Variants in SH3GL2 observed in about 807,000 individuals in gnomAD.
SH3GL2 encodes the protein SH3 domain containing GRB2 like 2, endophilin A1.
SH3GL2 carries 24 observed loss-of-function variants against 46.0 expected under a neutral mutation model. The ratio of observed to expected loss-of-function variants is 0.52; its 90% confidence interval spans 0.38 to 0.73. The LOEUF is 0.73. SH3GL2 is among the 30% of genes least tolerant of loss of function. The probability of loss-of-function intolerance (pLI) is 0.00; values close to 1 mark genes in which losing one functional copy is unlikely to be tolerated. For synonymous variants in SH3GL2, 196 were observed against 147.1 expected (o/e 1.33, Z -2.40); for missense variants, 413 against 424.2 (o/e 0.97, Z 0.23).
intron 1 of SH3GL2, among the ~76,000 whole-genome samples, chr9:17,596,003 T>G (rs1295280610): frequency 6.6e-6 from 1 of 152,336 alleles, no homozygotes; most frequent in East Asian, 1.9e-4. Flanking sequence ...TACAAAATTT[T>G]CTTTCCACTT....
intron 1 of SH3GL2, among the ~76,000 whole-genome samples, chr9:17,611,129 C>T (rs1018266246): frequency 5.3e-5 from 8 of 152,024 alleles, no homozygotes; most frequent in African/African-American, 9.7e-5. Flanking sequence ...ATAGAGTAGA[C>T]GTCATACAAT....
intron 1 of SH3GL2, among the ~76,000 whole-genome samples, chr9:17,655,597 C>T (rs1473292204): frequency 6.6e-6 from 1 of 152,008 alleles, no homozygotes; most frequent in Non-Finnish European, 1.5e-5. Context: ...TTTTAAAACC[C>T]CAAGCATATT....
At chr9:17,603,852 C>T (rs933605864) in intron 1 of SH3GL2, among the ~76,000 whole-genome samples, 7 of 151,888 alleles carry the variant, frequency 4.6e-5, no homozygotes, top group East Asian at 1.9e-4. Context: ...GCAACAAGAG[C>T]GAAACTCCGT....
intron 4 of SH3GL2, 122 bp from the exon 5 acceptor site, chr9:17,787,258 C>G: frequency 1.3e-6 from 1 of 754,490 alleles, no homozygotes; most frequent in Middle Eastern, 2.5e-4. Flanking sequence ...CCTATTCTCT[C>G]TTGTCTGTTG....
chr9:17,757,053 C>G (rs9407836), intron 2 of SH3GL2, among the ~76,000 whole-genome samples: 84 of 152,222 alleles, frequency 5.5e-4, no homozygotes, highest in Admixed American at 9.2e-4. Flanking sequence ...TTGTGGTTTT[C>G]ATTTGCATTT....
At chr9:17,679,241 A>C (rs1051660145) in intron 1 of SH3GL2, among the ~76,000 whole-genome samples, 1 of 152,072 alleles carries the variant, frequency 6.6e-6, no homozygotes, top group African/African-American at 2.4e-5. Flanking sequence ...TATTTTCATG[A>C]TATTGATTCT....
intron 1 of SH3GL2, among the ~76,000 whole-genome samples, 195 bp downstream of exon 1, chr9:17,579,482 C>G (rs958034495): frequency 6.6e-6 from 1 of 151,984 alleles, no homozygotes; most frequent in Non-Finnish European, 1.5e-5. Context: ...GTCCCCCGCC[C>G]CCGGCTTGGT....
At chr9:17,627,085 G>C (rs1819298810) in intron 1 of SH3GL2, among the ~76,000 whole-genome samples, 1 of 152,262 alleles carries the variant, frequency 6.6e-6, no homozygotes, top group Non-Finnish European at 1.5e-5. Context: ...TGAATAACAT[G>C]TTTAACTTAC....
chr9:17,610,870 T>G (rs940384949), intron 1 of SH3GL2, among the ~76,000 whole-genome samples: 2 of 152,174 alleles, frequency 1.3e-5, no homozygotes, highest in Non-Finnish European at 2.9e-5. Context: ...TGGTGAATAC[T>G]TTATATTTAG....
chr9:17,728,880 G>C (rs1310079555), intron 1 of SH3GL2, among the ~76,000 whole-genome samples: 1 of 152,108 alleles, frequency 6.6e-6, no homozygotes, highest in Non-Finnish European at 1.5e-5. Context: ...TATCATTGAT[G>C]GGCATTTGGG....
chr9:17,678,498 T>G (rs1393744426), intron 1 of SH3GL2, among the ~76,000 whole-genome samples: 4 of 152,180 alleles, frequency 2.6e-5, no homozygotes, highest in Non-Finnish European at 5.9e-5. Context: ...TTCTTGTAAA[T>G]TTGCTTGAGT....
intron 1 of SH3GL2, among the ~76,000 whole-genome samples, chr9:17,654,543 G>A (rs898311528): frequency 3.3e-5 from 5 of 152,178 alleles, no homozygotes; most frequent in Non-Finnish European, 7.3e-5. Flanking sequence ...AGACTAGTCT[G>A]TGAAAGCGTA....
At chr9:17,743,600 A>ACACACCCC (rs1554645782) in intron 1 of SH3GL2, among the ~76,000 whole-genome samples, 8 of 146,278 alleles carry the variant, frequency 5.5e-5, no homozygotes, top group African/African-American at 2.0e-4. Flanking sequence ...ACACACACAC[A>ACACACCCC]CCCCAAATAG....
At chr9:17,770,341 A>G (rs1823437896) in intron 3 of SH3GL2, among the ~76,000 whole-genome samples, 1 of 152,198 alleles carries the variant, frequency 6.6e-6, no homozygotes, top group Non-Finnish European at 1.5e-5. Context: ...AACAGCCAGA[A>G]TCTTTATTCA....
intron 1 of SH3GL2, among the ~76,000 whole-genome samples, chr9:17,586,678 G>A (rs1398895102): frequency 6.6e-6 from 1 of 152,076 alleles, no homozygotes; most frequent in East Asian, 1.9e-4. Flanking sequence ...GAGCAAAGTG[G>A]GGTAAAAGCC....
intron 1 of SH3GL2, among the ~76,000 whole-genome samples, chr9:17,733,391 G>C (rs1588283918): frequency 6.6e-6 from 1 of 151,744 alleles, no homozygotes; most frequent in South Asian, 2.1e-4. Flanking sequence ...TTGTCATCTA[G>C]CATTAGGTAT....
At chr9:17,710,246 G>A (rs914879905) in intron 1 of SH3GL2, among the ~76,000 whole-genome samples, 2 of 151,936 alleles carry the variant, frequency 1.3e-5, no homozygotes, top group Admixed American at 6.6e-5. Context: ...TGTGAAGAAG[G>A]ATGTGTTTGC....
At chr9:17,783,791 T>C (rs1445815420) in intron 3 of SH3GL2, among the ~76,000 whole-genome samples, 2 of 152,120 alleles carry the variant, frequency 1.3e-5, no homozygotes, top group Non-Finnish European at 2.9e-5. Context: ...AGTAGATTCA[T>C]GGGTTTGAAG....
chr9:17,715,181 ATTTC>A lies in SH3GL2; in HGVS notation c.46-31877_46-31874del, dbSNP rs577317583. ...CACTGGTTTTGAGTGTTTGATTATG[ATTTC>A]TTTCTTTTCTTTTTTTTTTTTTTAG... is the stretch of plus-strand genomic sequence containing the variant. On this transcript the variant is annotated intron_variant, in intron 1 of 8. Transcript: ENST00000380607. Among the ~76,000 whole-genome samples the A allele has an allele frequency of 6.2e-3, 837 of 134,522 alleles. 6 individuals carry two copies. Among genetic ancestry groups the A allele is most frequent in the Non-Finnish European group, 9.4e-3 (577 of 61,418 alleles). 88.3% of individuals were successfully genotyped at this position (134,522 alleles called of 152,430 possible).
Sources: allele counts gnomAD v4.1 joint callset (sites outside exome capture counted in the v4.1 genomes callset), GRCh38; gene constraint gnomAD v4.1.1; transcripts MANE v1.5; gene names NCBI Gene and HGNC (gene_info 2026-07-23, HGNC 2026-07-21).